Variants in TMEM163 observed in about 807,000 individuals in gnomAD.
TMEM163 encodes the protein transmembrane protein 163.
In TMEM163, 17 loss-of-function variants were observed where a neutral mutation model predicts 29.3. The ratio of observed to expected loss-of-function variants is 0.58; its 90% CI spans 0.40 to 0.87. TMEM163 has a LOEUF of 0.87. TMEM163 is among the 40% of genes least tolerant of loss of function. TMEM163 has a pLI of 0.00. For missense variants in TMEM163, 303 were observed against 381.5 expected (o/e 0.79, Z 1.71); for synonymous variants, 157 against 160.6 (o/e 0.98, Z 0.17).
intron 2 of TMEM163, among the ~76,000 whole-genome samples, chr2:134,678,384 T>A (rs1684160684): frequency 6.6e-6 from 1 of 152,226 alleles, no homozygotes. Context: ...GTGAATCTGT[T>A]ATTCTCATTG....
At chr2:134,503,185 T>G (rs140171930) in intron 4 of TMEM163, among the ~76,000 whole-genome samples, 188 bp from the exon 5 acceptor site, 203 of 152,328 alleles carry the variant, frequency 1.3e-3, no homozygotes, top group African/African-American at 4.7e-3. Flanking sequence ...AGTTCAGAGT[T>G]TGATCACCAA....
chr2:134,679,211 A>C (rs1164114420), intron 2 of TMEM163, among the ~76,000 whole-genome samples: 1 of 152,186 alleles, frequency 6.6e-6, no homozygotes, highest in Non-Finnish European at 1.5e-5. Flanking sequence ...CTGATTACCA[A>C]GTGGTGTTTT....
Position 134,477,155 on chromosome 2 carries a change from C to A in TMEM163, c.556-10930G>T, listed in dbSNP as rs140344621. Among the ~76,000 whole-genome samples, 425 of 152,242 alleles carry A rather than the reference C, an allele frequency of 2.8e-3. 1 individual carries two copies. The highest frequency in any genetic ancestry group is 5.6e-3 in the Admixed American group (85 of 15,296). On this transcript the variant is annotated intron_variant, in intron 5 of 7. Coordinates refer to ENST00000281924, the MANE Select transcript of TMEM163 (RefSeq NM_030923.5). ...GAACGTTGTGTTGCTCATTTGTTGTCCGGCACGTGTCCAGTGTCAGTCGCA... is the reference window on the plus strand; with the variant it reads ...GAACGTTGTGTTGCTCATTTGTTGTACGGCACGTGTCCAGTGTCAGTCGCA...
intron 2 of TMEM163, among the ~76,000 whole-genome samples, chr2:134,694,212 T>C (rs1684532692): frequency 6.6e-6 from 1 of 152,058 alleles, no homozygotes; most frequent in Non-Finnish European, 1.5e-5. Context: ...AAAAGAGGAG[T>C]TAGAAAAAGG....
chr2:134,677,401 A>C (rs1245128470), intron 2 of TMEM163, among the ~76,000 whole-genome samples: 1 of 152,242 alleles, frequency 6.6e-6, no homozygotes, highest in East Asian at 1.9e-4. Flanking sequence ...AGGCATGGAG[A>C]AGACAAAAAT....
In TMEM163 at chr2:134,565,147, C is replaced by T. The variant is rs142638511; in HGVS notation, c.323-13056G>A. On this transcript the variant is annotated intron_variant, in intron 2 of 7. Coordinates refer to ENST00000281924, the MANE Select transcript of TMEM163 (RefSeq NM_030923.5). ...CAGCTAGTCAGGTGGCTGAGGCACA[C>T]GAATCGATTGAACCCAGGAGGCAGA... is the stretch of plus-strand genomic sequence containing the variant. Among the ~76,000 whole-genome samples the T allele has an allele frequency of 1.7e-3, 257 of 151,652 alleles. 1 individual carries two copies. The highest frequency in any genetic ancestry group is 5.8e-3 in the African/African-American group (241 of 41,320).
At chr2:134,457,790 A>G (rs185069874) in intron 7 of TMEM163, among the ~76,000 whole-genome samples, 8 of 152,358 alleles carry the variant, frequency 5.3e-5, no homozygotes, top group Non-Finnish European at 8.8e-5. Flanking sequence ...ATGGAAATCA[A>G]GGAGTGCCTT....
intron 2 of TMEM163, among the ~76,000 whole-genome samples, chr2:134,569,047 G>C (rs1470788429): frequency 6.6e-6 from 1 of 152,222 alleles, no homozygotes; most frequent in Non-Finnish European, 1.5e-5. Flanking sequence ...GGATTTTATA[G>C]ATGGAGAGCT....
chr2:134,534,029 C>A (rs76627418), intron 4 of TMEM163, among the ~76,000 whole-genome samples: 1,987 of 152,316 alleles, frequency 0.013, 51 homozygotes, highest in African/African-American at 0.044. Context: ...TCCTTCACAG[C>A]TCTGCCTACT....
intron 2 of TMEM163, among the ~76,000 whole-genome samples, chr2:134,617,954 AT>A (rs1018175166): frequency 1.3e-5 from 2 of 151,660 alleles, no homozygotes; most frequent in East Asian, 1.9e-4. Flanking sequence ...CTACCAAAAA[AT>A]TTTTTTTCAT....
At chr2:134,709,741 T>G (rs919766240) in intron 2 of TMEM163, among the ~76,000 whole-genome samples, 1 of 152,204 alleles carries the variant, frequency 6.6e-6, no homozygotes, top group Non-Finnish European at 1.5e-5. Context: ...GAAAGGGGAC[T>G]TGGAGGTGCC....
At chr2:134,546,933 T>C (rs1426359099) in intron 4 of TMEM163, among the ~76,000 whole-genome samples, 3 of 152,054 alleles carry the variant, frequency 2.0e-5, no homozygotes, top group African/African-American at 7.2e-5. Flanking sequence ...AATAAACCAG[T>C]CACAAAAAAG....
chr2:134,632,085 A>G (rs1206406780), intron 2 of TMEM163, among the ~76,000 whole-genome samples: 1 of 152,216 alleles, frequency 6.6e-6, no homozygotes, highest in Non-Finnish European at 1.5e-5. Flanking sequence ...CAGAGATACC[A>G]TGGAGGAAAT....
chr2:134,511,223 A>C (rs1164738434), intron 4 of TMEM163, among the ~76,000 whole-genome samples: 1 of 151,878 alleles, frequency 6.6e-6, no homozygotes, highest in Non-Finnish European at 1.5e-5. Flanking sequence ...CTGAACAAAG[A>C]CCTACCAGAT....
chr2:134,488,957 G>A (rs981308811), intron 5 of TMEM163, among the ~76,000 whole-genome samples: 2 of 152,166 alleles, frequency 1.3e-5, no homozygotes, highest in East Asian at 3.9e-4. Context: ...ATTGTGATAA[G>A]TTTGAAAATA....
intron 2 of TMEM163, among the ~76,000 whole-genome samples, chr2:134,690,726 A>G (rs1476060595): frequency 6.6e-6 from 1 of 152,204 alleles, no homozygotes; most frequent in Non-Finnish European, 1.5e-5. Context: ...ACAATTAAGA[A>G]CTTCATGACT....
chr2:134,573,279 TC>T (rs1681475167), intron 2 of TMEM163, among the ~76,000 whole-genome samples: 2 of 152,342 alleles, frequency 1.3e-5, no homozygotes, highest in Non-Finnish European at 2.9e-5. Context: ...TGAGAATGCT[TC>T]CCTATTCTAA....
chr2:134,620,198 T>C (rs1682699019), intron 2 of TMEM163, among the ~76,000 whole-genome samples: 1 of 151,616 alleles, frequency 6.6e-6, no homozygotes, highest in African/African-American at 2.4e-5. Flanking sequence ...GTATCCAAAA[T>C]AGCCAAAAAC....
chr2:134,458,163 G>A lies in TMEM163; in HGVS notation c.678C>T (p.Ser226=), dbSNP rs1444982688. The A allele has an allele frequency of 1.9e-6, 3 of 1,613,992 alleles. No individual in the cohort carries two copies. The highest frequency in any genetic ancestry group is 2.5e-6 in the Non-Finnish European group (3 of 1,180,026). ...AGAAGCCCATCACGCCACCCACGAG[G>A]GAGTTAAACCCTGCAAAGGAAGTGG... ...SRALITDGFN[S]LVGGVMGFSI... is the part of the protein sequence containing the mutation. Residue 226 remains serine, a synonymous_variant, in exon 7 of 8, where the codon TCC becomes TCT. Transcript: ENST00000281924.
Sources: gnomAD v4.1 joint callset for allele counts (sites outside exome capture counted in the v4.1 genomes callset) on GRCh38, gnomAD v4.1.1 for gene constraint, MANE v1.5 for transcripts, NCBI Gene and HGNC (gene_info 2026-07-23, HGNC 2026-07-21) for gene names.